The following IRX2 variants were observed in gnomAD, a reference collection of about 807,000 sequenced individuals.
The protein encoded by IRX2 is iroquois-class homeodomain protein IRX-2.
A neutral mutation model predicts 42.9 loss-of-function variants in IRX2; 26 were observed. The observed-to-expected ratio is 0.61, with a 90% CI of 0.44 to 0.84. IRX2 has a LOEUF of 0.84. Among genes scored for constraint, IRX2 ranks in the 40% least tolerant of loss-of-function variants. The pLI, the probability that IRX2 is intolerant of heterozygous loss-of-function variation, is 0.00. For synonymous variants in IRX2, 424 were observed against 353.9 expected (o/e 1.20, Z -2.22); for missense variants, 782 against 713.9 (o/e 1.10, Z -1.09).
At chr5:2,738,781 G>T in the IRX2 span, among the ~76,000 whole-genome samples, 1 of 152,216 alleles carries the variant, frequency 6.6e-6, no homozygotes, top group Non-Finnish European at 1.5e-5. Context: ...GGGAGGCCAG[G>T]TGTGTGGCTC....
downstream of IRX2, among the ~76,000 whole-genome samples, chr5:2,742,495 C>T (rs1737565076): frequency 6.6e-6 from 1 of 152,176 alleles, no homozygotes; most frequent in Non-Finnish European, 1.5e-5. Flanking sequence ...ATCATAATAT[C>T]CACATAGCAC....
Position 2,748,961 on chromosome 5 carries a change from C to T in IRX2, c.747G>A (p.Leu249=). 1 of 1,597,490 alleles carries T rather than the reference C, an allele frequency of 6.3e-7. No homozygotes were observed. Among genetic ancestry groups the T allele is most frequent in the Admixed American group, 1.7e-5 (1 of 59,972 alleles). ...CCTTGCACTCCGAGCCCGATTCGCA[C>T]AGGGGGTCCCCGGCGCGGCACGGAA... ...EKLPCRAGDP[L]CESGSECKDK... The change falls in exon 3 of 4, where the codon CTG becomes CTA. Residue 249 remains leucine, a synonymous_variant. Transcript: ENST00000302057.
Position 2,749,856 on chromosome 5 carries a change from C to A in IRX2, c.250-69G>T, listed in dbSNP as rs1447540746. 3.4e-6 allele frequency: 5 copies of A among 1,464,820 alleles called. No individual in the cohort carries two copies. The Admixed American group carries it at 8.5e-5, about 25-fold the overall frequency. 90.7% of individuals were successfully genotyped at this position (1,464,820 alleles called of 1,614,324 possible). On this transcript the variant is annotated intron_variant, in intron 1 of 3. Transcript: ENST00000302057. The stretch of plus-strand genomic sequence containing the variant: ...GCGGGCAACCAGCCAGAGGATGCCA[C>A]CCCTCCGCCCGCCCACGGCCACCGT...
chr5:2,744,073 CGTGTGTGTGT>C (rs10547927), downstream of IRX2, among the ~76,000 whole-genome samples: 558 of 140,166 alleles, frequency 4.0e-3, 3 homozygotes, highest in Middle Eastern at 7.3e-3. Context: ...AGAATGGAGT[CGTGTGTGTGT>C]GTGTGTGTGT....
At position 2,749,044 on chromosome 5, in the gene IRX2, G is replaced by A. The variant is rs868110012; in HGVS notation, c.664C>T (p.Leu222=). ...ETSAEDEGIS[L]HVDSLTDHSC... ...TGATCCGTGAGCGAGTCCACGTGCA[G>A]GCTGATCCCTGTGGGGGCGCGGGCA... The change falls in exon 3 of 4, where the codon CTG becomes TTG. Residue 222 remains leucine, a synonymous_variant. Coordinates refer to ENST00000302057, the MANE Select transcript of IRX2 (RefSeq NM_033267.5). 1 of 1,596,734 alleles carries A rather than the reference G, an allele frequency of 6.3e-7. No homozygotes were observed. Among genetic ancestry groups the A allele is most frequent in the South Asian group, 1.1e-5 (1 of 90,744 alleles).
In IRX2 at chr5:2,749,500, G is replaced by C; in HGVS notation, c.537C>G (p.Thr179=). 6.2e-7 allele frequency: 1 copy of C among 1,614,226 alleles called. No individual in the cohort carries two copies. Among genetic ancestry groups the C allele is most frequent in the African/African-American group, 1.3e-5 (1 of 75,064 alleles). Residue 179 remains threonine, a synonymous_variant, in exon 2 of 4, where the codon ACC becomes ACG. Transcript: ENST00000302057. ...RRRLKKENKM[T]WAPRNKSEDE... Reference sequence around the variant, plus strand: ...CTTCGCTTTTGTTTCTCGGGGCCCAGGTCATCTTGTTCTCCTTCTTGAGGC... The same window carrying C: ...CTTCGCTTTTGTTTCTCGGGGCCCACGTCATCTTGTTCTCCTTCTTGAGGC...
chr5:2,749,854 C>T lies in IRX2; in HGVS notation c.250-67G>A. ...CCGCGGGCAACCAGCCAGAGGATGC[C>T]ACCCCTCCGCCCGCCCACGGCCACC... On this transcript the variant is annotated intron_variant, in intron 1 of 3. Transcript: ENST00000302057. The T allele has an allele frequency of 9.5e-6, 14 of 1,478,330 alleles. No homozygotes were observed. The South Asian group carries it at 1.9e-4, about 20-fold the overall frequency. The allele number at this position is 1,478,330 out of a possible 1,614,324, so 91.6% of individuals were successfully genotyped here.
chr5:2,741,616 G>A (rs972867121), downstream of IRX2, among the ~76,000 whole-genome samples: 1 of 152,052 alleles, frequency 6.6e-6, no homozygotes, highest in African/African-American at 2.4e-5. Context: ...AATTATAACC[G>A]TGCTGTTGAC....
In IRX2 at chr5:2,747,922, A is replaced by C. The variant is rs147694643; in HGVS notation, c.1364-306T>G. Among the ~76,000 whole-genome samples the C allele has an allele frequency of 2.3e-3, 343 of 152,334 alleles. 4 individuals carry two copies. The highest frequency in any genetic ancestry group is 7.7e-3 in the South Asian group (37 of 4,820). On this transcript the variant is annotated intron_variant, in intron 3 of 3. Transcript: ENST00000302057. ...AAAAAACATTTGATTTTATCTTTTG[A>C]AGACAAAACGCCTCTGAGAGTAACT...
downstream of IRX2, among the ~76,000 whole-genome samples, chr5:2,741,656 C>G (rs1737542294): frequency 6.6e-6 from 1 of 152,168 alleles, no homozygotes; most frequent in Admixed American, 6.5e-5. Flanking sequence ...TCAGGAGTCA[C>G]ACACAATAAA....
rs370484590 is a variant in IRX2 at position 2,748,850 on chromosome 5, C to G, written c.858G>C (p.Ser286=). The stretch of plus-strand genomic sequence containing the variant: ...GCGGCGCCTCCAAGCCGGTAAGCGG[C>G]GACGAGGTCACGGGCTTGGGCGGCG... ...GLAPPKPVTS[S]PLTGLEAPLL... Residue 286 remains serine (S), a synonymous_variant, in exon 3 of 4, where the codon TCG becomes TCC. Transcript: ENST00000302057. 6.3e-7 allele frequency: 1 copy of G among 1,579,512 alleles called. No individual in the cohort carries two copies.
chr5:2,749,238 C>G, intron 2 of IRX2, 144 bp downstream of exon 2: 1 of 1,439,058 alleles, frequency 6.9e-7, no homozygotes, highest in Non-Finnish European at 9.1e-7. Flanking sequence ...GCTCAAATCC[C>G]GGCGACCCCA....
At chr5:2,738,288 T>TG in the IRX2 span, among the ~76,000 whole-genome samples, 1 of 152,226 alleles carries the variant, frequency 6.6e-6, no homozygotes, top group Non-Finnish European at 1.5e-5. Context: ...AGAAGCAGGT[T>TG]GGGCCCTCTC....
At chr5:2,747,974 C>G (rs1038160249) in intron 3 of IRX2, among the ~76,000 whole-genome samples, 2 of 152,144 alleles carry the variant, frequency 1.3e-5, no homozygotes, top group African/African-American at 2.4e-5. Flanking sequence ...CTCTAGCCAA[C>G]GGCAGAAAAG....
Position 2,751,433 on chromosome 5 carries a change from G to A in IRX2, c.-20C>T. On this transcript the variant is annotated 5_prime_UTR_variant, in exon 1 of 4. Transcript: ENST00000302057. The surrounding 1 kb of genome is among the most constrained non-coding windows in gnomAD (Gnocchi z 4.0). The stretch of plus-strand genomic sequence containing the variant: ...GGACATGGTGGGCGCGGGGCGCGGG[G>A]CCCGCGTCACGCCGAGCAGCGGGCA... 6 of 1,256,726 alleles carry A rather than the reference G, an allele frequency of 4.8e-6. No individual in the cohort carries two copies. The highest frequency in any genetic ancestry group is 2.2e-5 in the South Asian group (1 of 45,276). The allele number at this position is 1,256,726 out of a possible 1,614,324, so 77.8% of individuals were successfully genotyped here. A position where few individuals can be genotyped will look rare whatever the true frequency, so the allele number is the denominator to read the frequency against.
the IRX2 span, chr5:2,737,261 G>T: frequency 2.0e-5 from 3 of 152,228 alleles, no homozygotes. Context: ...TTATTGAGCA[G>T]CCATTCTCCA....
In IRX2 at chr5:2,749,731, C is replaced by A. The variant is rs773646146; in HGVS notation, c.306G>T (p.Pro102=). The A allele has an allele frequency of 6.2e-7, 1 of 1,613,352 alleles. No individual in the cohort carries two copies. The highest frequency in any genetic ancestry group is 2.2e-5 in the East Asian group (1 of 44,852). ...TGMTGAISYH[P]YGSAAYPYQL... is the part of the protein sequence containing the mutation. Reference sequence around the variant, plus strand: ...GGTACGGGTAGGCCGCGCTGCCGTACGGGTGGTAGCTGATGGCGCCGGTCA... The same window carrying A: ...GGTACGGGTAGGCCGCGCTGCCGTAAGGGTGGTAGCTGATGGCGCCGGTCA... The change falls in exon 2 of 4, where the codon CCG becomes CCT. Residue 102 remains proline, a synonymous_variant. Transcript: ENST00000302057.
rs1737724711 is a variant in IRX2, at chr5:2,747,702, CCAGGCAAA to C, written c.1364-94_1364-87del. On this transcript the variant is annotated intron_variant, in intron 3 of 3. Coordinates refer to ENST00000302057, the MANE Select transcript of IRX2 (RefSeq NM_033267.5). ...ACCGTGCACCCACCATCCTCCACTC[CCAGGCAAA>C]CAGCAGTTTGGGAAACCGACTGTCT... 3.7e-6 allele frequency: 5 copies of C among 1,344,248 alleles called. No homozygotes were observed. The South Asian group carries it at 5.9e-5, about 16-fold the overall frequency. 83.3% of individuals were successfully genotyped at this position (1,344,248 alleles called of 1,614,324 possible).
At chr5:2,737,471 G>A in the IRX2 span, 8 of 152,296 alleles carry the variant, frequency 5.3e-5, no homozygotes, top group Non-Finnish European at 1.0e-4. Context: ...CCTCTGCAGA[G>A]CCTGCTACGT....
Sources: allele counts gnomAD v4.1 joint callset (sites outside exome capture counted in the v4.1 genomes callset), GRCh38; gene constraint gnomAD v4.1.1; non-coding constraint Gnocchi (gnomAD v3.1); transcripts MANE v1.5; gene names NCBI Gene and HGNC (gene_info 2026-07-23, HGNC 2026-07-21).